The following PTPRG variants were observed in gnomAD, a reference collection of about 807,000 sequenced individuals.
PTPRG encodes receptor-type tyrosine-protein phosphatase gamma.
PTPRG carries 102 observed loss-of-function variants against 165.3 expected under a neutral mutation model. The ratio of observed to expected loss-of-function variants is 0.62; its 90% CI spans 0.53 to 0.73. The LOEUF (loss-of-function observed/expected upper bound fraction) is 0.73, where lower values mean the gene tolerates loss of function less well. PTPRG is among the 30% of genes least tolerant of loss of function. The probability of loss-of-function intolerance (pLI) is 0.00; values close to 1 mark genes in which losing one functional copy is unlikely to be tolerated. For missense variants in PTPRG, 1,866 were observed against 1,861.4 expected (o/e 1.00, Z -0.05); for synonymous variants, 675 against 669.5 (o/e 1.01, Z -0.13).
chr3:61,722,311 G>A (rs1324039377), intron 1 of PTPRG, among the ~76,000 whole-genome samples: 1 of 152,100 alleles, frequency 6.6e-6, no homozygotes, highest in Non-Finnish European at 1.5e-5. Context: ...CCATTCATGA[G>A]GCTGATGCCC....
intron 6 of PTPRG, among the ~76,000 whole-genome samples, chr3:62,143,747 T>A (rs1254391770): frequency 6.6e-6 from 1 of 152,198 alleles, no homozygotes; most frequent in Non-Finnish European, 1.5e-5. Context: ...CACAACTGAA[T>A]GAGGTTTCTA....
chr3:62,107,260 T>C (rs1489604276), intron 5 of PTPRG, among the ~76,000 whole-genome samples: 2 of 152,244 alleles, frequency 1.3e-5, no homozygotes, highest in African/African-American at 2.4e-5. Flanking sequence ...ATATGGCAAA[T>C]CACTCATACC....
chr3:61,878,029 T>A lies in PTPRG; in HGVS notation c.191-111596T>A, dbSNP rs190682212. On this transcript the variant is annotated intron_variant, in intron 2 of 29. Transcript: ENST00000474889. ...TGAGAGAAGTACTTCCTGAGATCTC[T>A]GTTGTTAAATTTGGGATTTTTTGTA... is the stretch of plus-strand genomic sequence containing the variant. Among the ~76,000 whole-genome samples, 34 of 152,338 alleles carry A rather than the reference T, an allele frequency of 2.2e-4. No homozygotes were observed. The East Asian group carries it at 6.2e-3, about 28-fold the overall frequency.
intron 14 of PTPRG, among the ~76,000 whole-genome samples, chr3:62,239,153 T>C (rs1452538287): frequency 6.6e-6 from 1 of 152,154 alleles, no homozygotes; most frequent in Non-Finnish European, 1.5e-5. Context: ...GGTACTTACA[T>C]ATACAAATGT....
intron 8 of PTPRG, among the ~76,000 whole-genome samples, chr3:62,185,782 A>G (rs1576109711): frequency 1.3e-5 from 2 of 152,168 alleles, no homozygotes; most frequent in African/African-American, 2.4e-5. Context: ...TGAGGCCCAC[A>G]ACTTTGGGTT....
chr3:61,647,877 T>C (rs1277235386), intron 1 of PTPRG, among the ~76,000 whole-genome samples: 3 of 151,714 alleles, frequency 2.0e-5, no homozygotes, highest in African/African-American at 7.3e-5. Context: ...GAATGTTTGG[T>C]GCCCTTGATG....
chr3:61,850,952 C>G (rs975262795), intron 2 of PTPRG, among the ~76,000 whole-genome samples: 2 of 152,198 alleles, frequency 1.3e-5, no homozygotes, highest in African/African-American at 4.8e-5. Flanking sequence ...GCACCTGTGA[C>G]TAGGTTTCTG....
intron 1 of PTPRG, among the ~76,000 whole-genome samples, chr3:61,721,185 G>T (rs559617109): frequency 1.3e-4 from 20 of 152,288 alleles, no homozygotes; most frequent in Non-Finnish European, 2.2e-4. Context: ...GCCACTCTCT[G>T]GTACTACTTG....
At chr3:62,277,875 A>G (rs539138507) in intron 26 of PTPRG, among the ~76,000 whole-genome samples, 196 bp downstream of exon 26, 8 of 152,148 alleles carry the variant, frequency 5.3e-5, no homozygotes, top group Non-Finnish European at 1.0e-4. Flanking sequence ...CCATTACTTG[A>G]GTCTCTGATG....
At chr3:61,759,631 G>A (rs374717149) in intron 2 of PTPRG, among the ~76,000 whole-genome samples, 6 of 152,106 alleles carry the variant, frequency 3.9e-5, no homozygotes, top group Non-Finnish European at 7.3e-5. Context: ...CCCAGCCTGC[G>A]TGGCAGAGTG....
intron 5 of PTPRG, among the ~76,000 whole-genome samples, chr3:62,118,092 A>G (rs967709517): frequency 6.6e-5 from 10 of 152,204 alleles, no homozygotes; most frequent in African/African-American, 2.2e-4. Flanking sequence ...AGTATTATTA[A>G]TATCTCCGTT....
In PTPRG at chr3:62,195,189, C is replaced by T. The variant is rs562603923; in HGVS notation, c.1327+19C>T. The T allele has an allele frequency of 1.2e-6, 2 of 1,607,496 alleles. No individual in the cohort carries two copies. The highest frequency in any genetic ancestry group is 1.7e-6 in the Non-Finnish European group (2 of 1,173,960). On this transcript the variant is annotated intron_variant, in intron 10 of 29. Transcript: ENST00000474889. The surrounding 1 kb of genome is among the most constrained non-coding windows in gnomAD (Gnocchi z 4.4). ...TTTCAAGGTGAGGCTGGCTTCCCCT[C>T]CTGTGGCCGGGGTGCCCCTGAGACT...
chr3:62,174,723 G>A (rs1455127837), intron 8 of PTPRG, among the ~76,000 whole-genome samples: 1 of 152,158 alleles, frequency 6.6e-6, no homozygotes, highest in Non-Finnish European at 1.5e-5. Flanking sequence ...TCTATTTTCA[G>A]TTTAATCATT....
At chr3:62,130,125 A>T (rs1014864095) in intron 5 of PTPRG, among the ~76,000 whole-genome samples, 1 of 152,160 alleles carries the variant, frequency 6.6e-6, no homozygotes, top group Non-Finnish European at 1.5e-5. Context: ...AGTTCAGCCC[A>T]TCTCTGTGGA....
chr3:61,617,453 C>T (rs916616430), intron 1 of PTPRG, among the ~76,000 whole-genome samples: 2 of 152,140 alleles, frequency 1.3e-5, no homozygotes, highest in Non-Finnish European at 2.9e-5. Context: ...CTTTCTCTTG[C>T]CTCCTTGTAT....
chr3:62,258,902 G>A (rs893599164), intron 16 of PTPRG, among the ~76,000 whole-genome samples: 4 of 152,088 alleles, frequency 2.6e-5, no homozygotes, highest in Non-Finnish European at 4.4e-5. Flanking sequence ...TAATGCAGAA[G>A]GCTTCCAAAA....
chr3:62,008,468 G>C (rs1264148784), intron 4 of PTPRG, among the ~76,000 whole-genome samples: 1 of 152,200 alleles, frequency 6.6e-6, no homozygotes, highest in African/African-American at 2.4e-5. Flanking sequence ...TCTGTTCAGA[G>C]CATTTTAGTG....
At chr3:62,291,290 A>G (rs1270862299) in intron 28 of PTPRG, among the ~76,000 whole-genome samples, 1 of 152,062 alleles carries the variant, frequency 6.6e-6, no homozygotes, top group Admixed American at 6.6e-5. Flanking sequence ...TGGGAAAGAA[A>G]TATGGCAGTG....
rs1040495144 is a variant in PTPRG, at chr3:62,293,359, T to G, written c.*52T>G. ...TGTAAACTTCTGAAGACTGAGAACT[T>G]TTTTGAGGCCTTTTTTGCCAGACTC... On this transcript the variant is annotated 3_prime_UTR_variant, in exon 30 of 30. Coordinates refer to ENST00000474889, the MANE Select transcript of PTPRG (RefSeq NM_002841.4). 14 of 1,447,314 alleles carry G rather than the reference T, an allele frequency of 9.7e-6. No individual in the cohort carries two copies. Among genetic ancestry groups the G allele is most frequent in the South Asian group, 1.6e-5 (1 of 62,048 alleles). 89.7% of individuals were successfully genotyped at this position (1,447,314 alleles called of 1,614,324 possible). A position where few individuals can be genotyped will look rare whatever the true frequency, so the allele number is the denominator to read the frequency against.
Sources: gnomAD v4.1 joint callset for allele counts (sites outside exome capture counted in the v4.1 genomes callset) on GRCh38, gnomAD v4.1.1 for gene constraint, Gnocchi (gnomAD v3.1) non-coding constraint, MANE v1.5 for transcripts, NCBI Gene and HGNC (gene_info 2026-07-23, HGNC 2026-07-21) for gene names.